Variants in AAAS observed in about 807,000 individuals in gnomAD.
The protein encoded by AAAS is aladin WD repeat nucleoporin.
A neutral mutation model predicts 75.6 loss-of-function variants in AAAS; 60 were observed. That is an observed-to-expected ratio of 0.79 (90% confidence interval 0.64 to 0.98). The LOEUF (loss-of-function observed/expected upper bound fraction) is 0.98, where lower values mean the gene tolerates loss of function less well. AAAS is among the 50% of genes least tolerant of loss of function. AAAS has a pLI of 0.00. For missense variants in AAAS, 658 were observed against 686.9 expected (o/e 0.96, Z 0.47); for synonymous variants, 271 against 265.0 (o/e 1.02, Z -0.22).
rs2121086503 is a variant in AAAS, at chr12:53,308,799, G to T, written c.1013C>A (p.Pro338Gln). Reference sequence around the variant, plus strand: ...AGTGAACAGCAGTCGGCTGCCATCTGGGCTCCAGCAGCCAGTCTGGGGTCA... The same window carrying T: ...AGTGAACAGCAGTCGGCTGCCATCTTGGCTCCAGCAGCCAGTCTGGGGTCA... ...SGRCQTGCWS[P>Q]DGSRLLFTVL... Residue 338 changes from proline (P) to glutamine (Q), a missense_variant, in exon 11 of 16, where the codon CCA becomes CAA. By Grantham distance (76) the Pro-to-Gln change is moderately conservative. Transcript: ENST00000209873. 6.2e-7 allele frequency: 1 copy of T among 1,614,052 alleles called. No homozygotes were observed. Among genetic ancestry groups the T allele is most frequent in the East Asian group, 2.2e-5 (1 of 44,892 alleles).
rs1247106906 is a variant in AAAS, at chr12:53,307,700, C to G, written c.1430G>C (p.Gly477Ala). 1 of 1,614,082 alleles carries G rather than the reference C, an allele frequency of 6.2e-7. No homozygotes were observed. Among genetic ancestry groups the G allele is most frequent in the African/African-American group, 1.3e-5 (1 of 75,030 alleles). Residue 477 changes from glycine (G) to alanine (A), a missense_variant, in exon 16 of 16, where the codon GGC becomes GCC. Coordinates refer to ENST00000209873, the MANE Select transcript of AAAS (RefSeq NM_015665.6). ...GALLSVGWSTGRIAHIPLYFV... is the reference protein window; with the variant it reads ...GALLSVGWSTARIAHIPLYFV... ...GTACAGCGGGATGTGGGCAATTCGGCCTGTGGACCAGCCCTGCAGAGAAGG... is the reference window on the plus strand; with the variant it reads ...GTACAGCGGGATGTGGGCAATTCGGGCTGTGGACCAGCCCTGCAGAGAAGG...
chr12:53,318,223 A>AGTGTGTGTGTGTGTGTGTGTGTGT (rs71443291), intron 2 of AAAS, among the ~76,000 whole-genome samples: 1 of 136,910 alleles, frequency 7.3e-6, no homozygotes. Flanking sequence ...ATGGGGTTTC[A>AGTGTGTGTGTGTGTGTGTGTGTGT]GTGTGTGTGT....
intron 13 of AAAS, 32 bp downstream of exon 13, chr12:53,308,250 T>C: frequency 6.2e-7 from 1 of 1,613,918 alleles, no homozygotes; most frequent in Non-Finnish European, 8.5e-7. Flanking sequence ...GGAAGATGGC[T>C]GTGGGCTGAG....
In AAAS at chr12:53,307,611, C is replaced by A; in HGVS notation, c.1519G>T (p.Gly507Trp). ...AGGTCATGAATAGAGCCTCCACCCC[C>A]AGCAGGGGGTTCCTGGGCCCGCCCA... ...VLGRAQEPPAGGGGSIHDLPL... is the reference protein window; with the variant it reads ...VLGRAQEPPAWGGGSIHDLPL... Residue 507 changes from glycine to tryptophan, a missense_variant, in exon 16 of 16, where the codon GGG (glycine) becomes TGG (tryptophan). Physicochemically the swap from Gly to Trp is radical, Grantham distance 184 (BLOSUM62 -2). Transcript: ENST00000209873. 4 of 1,614,192 alleles carry A rather than the reference C, an allele frequency of 2.5e-6. No individual in the cohort carries two copies. The highest frequency in any genetic ancestry group is 3.4e-6 in the Non-Finnish European group (4 of 1,180,008).
chr12:53,318,000 T>C (rs185160692), intron 2 of AAAS, among the ~76,000 whole-genome samples: 1 of 152,252 alleles, frequency 6.6e-6, no homozygotes, highest in Admixed American at 6.5e-5. Context: ...ATTATGACAA[T>C]CCTACAAGAT....
intron 2 of AAAS, 147 bp downstream of exon 2, chr12:53,320,418 A>G (rs1328196138): frequency 8.6e-7 from 1 of 1,168,850 alleles, no homozygotes; most frequent in Non-Finnish European, 1.3e-6. Context: ...AATAAGGACT[A>G]AAAATTTCAT....
chr12:53,318,247 T>TGTGTGTGTGTGC (rs1555191452), intron 2 of AAAS, among the ~76,000 whole-genome samples: 2,715 of 123,126 alleles, frequency 0.022, 72 homozygotes, highest in East Asian at 0.092. Flanking sequence ...TGTGTGTGCG[T>TGTGTGTGTGTGC]GTGTGTGTGT....
At chr12:53,318,247 T>TGTGTGTGC (rs1555191451) in intron 2 of AAAS, among the ~76,000 whole-genome samples, 6,638 of 122,804 alleles carry the variant, frequency 0.054, 155 homozygotes, top group South Asian at 0.16. Context: ...TGTGTGTGCG[T>TGTGTGTGC]GTGTGTGTGT....
chr12:53,314,801 CTTG>C lies in AAAS; in HGVS notation c.492_494del (p.Asn164del). On this transcript the variant is annotated inframe_deletion, in exon 6 of 16. Coordinates refer to ENST00000209873, the MANE Select transcript of AAAS (RefSeq NM_015665.6). ...AGTCATCTAGCAGGGCCACTGCAAA[CTTG>C]TTGGTGTGGGGGTGCCATGCAAAGA... is the stretch of plus-strand genomic sequence containing the variant. 3 of 1,613,952 alleles carry C rather than the reference CTTG, an allele frequency of 1.9e-6. No homozygotes were observed. The highest frequency in any genetic ancestry group is 1.7e-4 in the Middle Eastern group (1 of 6,016).
rs1944537852 is a variant in AAAS at position 53,320,614 on chromosome 12, C to T, written c.202G>A (p.Ala68Thr). Reference sequence around the variant, plus strand: ...ACTTGCTCCCGGTGATGGATGAAGGCAGTTCTTGTGCCATGGTCCAGCCTT... The same window carrying T: ...ACTTGCTCCCGGTGATGGATGAAGGTAGTTCTTGTGCCATGGTCCAGCCTT... ...PGRLDHGTRT[A>T]FIHHREQVWK... The change falls in exon 2 of 16, where the codon GCC becomes ACC. Residue 68 changes from alanine to threonine, a missense_variant. Transcript: ENST00000209873. 1.2e-6 allele frequency: 2 copies of T among 1,613,998 alleles called. No homozygotes were observed. The highest frequency in any genetic ancestry group is 8.5e-7 in the Non-Finnish European group (1 of 1,180,048).
intron 8 of AAAS, 107 bp downstream of exon 8, chr12:53,309,494 C>CT: frequency 6.3e-7 from 1 of 1,590,002 alleles, no homozygotes; most frequent in South Asian, 1.1e-5. Context: ...AAGTTTAAGA[C>CT]TGAATGGACC....
rs1944498851 is a variant in AAAS, at chr12:53,318,306, G to A, written c.251+2259C>T. ...GAGTCTCACTCTGTCACCCAGGCTG[G>A]AGTGCAGTGGTGTGAACTCGGCTCA... On this transcript the variant is annotated intron_variant, in intron 2 of 15. Transcript: ENST00000209873. Among the ~76,000 whole-genome samples the A allele has an allele frequency of 4.6e-5, 7 of 151,180 alleles. No homozygotes were observed. In the South Asian group the frequency reaches 1.5e-3, roughly 32 times the overall value.
At chr12:53,315,208 G>A (rs778938492) in intron 4 of AAAS, 68 bp from the exon 5 acceptor site, 3 of 1,603,918 alleles carry the variant, frequency 1.9e-6, no homozygotes, top group Non-Finnish European at 2.6e-6. Flanking sequence ...TATTCCAACA[G>A]GGGAGCTGGA....
intron 7 of AAAS, 74 bp from the exon 8 acceptor site, chr12:53,309,795 C>T: frequency 6.3e-7 from 1 of 1,576,992 alleles, no homozygotes; most frequent in Non-Finnish European, 8.6e-7. Flanking sequence ...TTCTTTGCCT[C>T]CTGCTAAAAC....
In AAAS at chr12:53,320,506, T is replaced by G. The variant is rs4759232; in HGVS notation, c.251+59A>C. The G allele has an allele frequency of 0.99, 1,594,624 of 1,611,070 alleles. 790,534 individuals are homozygous for G. The highest frequency in any genetic ancestry group is 1 in the East Asian group (44,858 of 44,858). ...AAGAACACCCCAAGGTAAAGGGGTG[T>G]TGACTCATTTTCCAGGATCTGCAGA... On this transcript the variant is annotated intron_variant, in intron 2 of 15. Coordinates refer to ENST00000209873, the MANE Select transcript of AAAS (RefSeq NM_015665.6).
chr12:53,316,764 C>CAAAAAAAAAAAA (rs34520642), intron 2 of AAAS, among the ~76,000 whole-genome samples: 3 of 77,198 alleles, frequency 3.9e-5, no homozygotes, highest in African/African-American at 6.0e-5. Flanking sequence ...CCATCTCAGA[C>CAAAAAAAAAAAA]AAAAAAAAAA....
At position 53,307,514 on chromosome 12, in the gene AAAS, G is replaced by A. The variant is rs775217758; in HGVS notation, c.1616C>T (p.Pro539Leu). 85 of 1,613,908 alleles carry A rather than the reference G, an allele frequency of 5.3e-5. No individual in the cohort carries two copies. Among genetic ancestry groups the A allele is most frequent in the Non-Finnish European group, 6.9e-5 (82 of 1,179,894 alleles). The change falls in exon 16 of 16, where the codon CCC becomes CTC. Residue 539 changes from proline to leucine, a missense_variant. Pro to Leu is a moderately conservative substitution (Grantham distance 98). Transcript: ENST00000209873. ...TTAGAGGTGGGAATGTGGGGAGTGGGGCAGAACAGGTGGTGGCCCTGGGAG... is the reference window on the plus strand; with the variant it reads ...TTAGAGGTGGGAATGTGGGGAGTGGAGCAGAACAGGTGGTGGCCCTGGGAG... ...DPLPGPPPVL[P>L]HSPHSHL
Position 53,315,385 on chromosome 12 carries a change from G to C in AAAS, c.349C>G (p.Leu117Val). The C allele has an allele frequency of 6.2e-7, 1 of 1,614,098 alleles. No individual in the cohort carries two copies. Among genetic ancestry groups the C allele is most frequent in the Non-Finnish European group, 8.5e-7 (1 of 1,180,046 alleles). ...TGGAGGGAAGAGGCCCATCGACAGA[G>C]TGCCAGGGCCCAGCCGGATGCCGTC... ...VKTASGWALALCRWASSLHGS... is the reference protein window; with the variant it reads ...VKTASGWALAVCRWASSLHGS... Residue 117 changes from leucine to valine, a missense_variant, in exon 4 of 16, where the codon CTC becomes GTC. Leu to Val is a conservative substitution (Grantham distance 32). Transcript: ENST00000209873.
At chr12:53,312,838 G>A (rs1157229385) in intron 7 of AAAS, among the ~76,000 whole-genome samples, 6 of 137,846 alleles carry the variant, frequency 4.4e-5, no homozygotes, top group Middle Eastern at 3.8e-3. Context: ...ACATATATGT[G>A]TGTGTGTGTG....
Sources: gnomAD v4.1 joint callset for allele counts (sites outside exome capture counted in the v4.1 genomes callset) on GRCh38, gnomAD v4.1.1 for gene constraint, MANE v1.5 for transcripts, NCBI Gene and HGNC (gene_info 2026-07-23, HGNC 2026-07-21) for gene names.